Variants in PLEKHA8 observed in about 807,000 individuals in gnomAD.
The protein encoded by PLEKHA8 is pleckstrin homology domain containing A8.
Under a neutral mutation model 68.2 loss-of-function variants are expected in PLEKHA8, and 36 were observed. The observed-to-expected ratio is 0.53, with a 90% CI of 0.40 to 0.70. The LOEUF is 0.70. Among genes scored for constraint, PLEKHA8 ranks in the 30% least tolerant of loss-of-function variants. The pLI is 0.00. For synonymous variants in PLEKHA8, 211 were observed against 216.1 expected (o/e 0.98, Z 0.20); for missense variants, 505 against 615.4 (o/e 0.82, Z 1.90).
chr7:30,115,981 CATGT>C (rs1796503012), intron 13 of PLEKHA8: 2 of 137,348 alleles, frequency 1.5e-5, no homozygotes, highest in South Asian at 2.2e-4. Flanking sequence ...TGCATGCATG[CATGT>C]ATGCATACGC....
intron 8 of PLEKHA8, 93 bp downstream of exon 8, chr7:30,054,958 C>A: frequency 7.9e-7 from 1 of 1,259,352 alleles, no homozygotes; most frequent in Non-Finnish European, 1.1e-6. Context: ...ATGGCATATT[C>A]TAGGAGAATA....
chr7:30,089,020 A>G (rs1254952809), downstream of PLEKHA8, among the ~76,000 whole-genome samples: 1 of 152,126 alleles, frequency 6.6e-6, no homozygotes, highest in African/African-American at 2.4e-5. Flanking sequence ...CCCACATTCC[A>G]AAGGCTGTGT....
At chr7:30,047,788 G>C in intron 3 of PLEKHA8, 44 bp from the exon 4 acceptor site, 1 of 1,565,706 alleles carries the variant, frequency 6.4e-7, no homozygotes, top group Non-Finnish European at 8.7e-7. Context: ...TAGTAAATCA[G>C]TTGTTTGTTC....
rs763730573 is a variant in PLEKHA8, at chr7:30,078,706, C to T, written c.1479C>T (p.Tyr493=). Residue 493 remains tyrosine (Y), a synonymous_variant, in exon 14 of 14, where the codon TAC becomes TAT. Transcript: ENST00000449726. The stretch of plus-strand genomic sequence containing the variant: ...GGATGCAGAGGGACCTCAGCCTTTA[C>T]CTCCCTGCCATGGAGAAGCAGCTGG... The part of the protein sequence containing the change: ...SIGMQRDLSL[Y]LPAMEKQLAI... 1 of 1,613,836 alleles carries T rather than the reference C, an allele frequency of 6.2e-7. No individual in the cohort carries two copies. The highest frequency in any genetic ancestry group is 1.1e-5 in the South Asian group (1 of 91,080).
At chr7:30,104,691 T>C (rs1030105933) in intron 13 of PLEKHA8, among the ~76,000 whole-genome samples, 1 of 151,244 alleles carries the variant, frequency 6.6e-6, no homozygotes, top group Non-Finnish European at 1.5e-5. Context: ...GGATGGGTGT[T>C]GAGTGGTAAA....
At chr7:30,052,135 T>A (rs1400110875) in intron 6 of PLEKHA8, among the ~76,000 whole-genome samples, 4 of 152,134 alleles carry the variant, frequency 2.6e-5, no homozygotes, top group African/African-American at 9.7e-5. Context: ...GAGCTGTCAA[T>A]GACTATTTCC....
chr7:30,081,574 T>C lies in PLEKHA8; in HGVS notation c.*2787T>C, dbSNP rs1419268917. 5 of 985,112 alleles carry C rather than the reference T, an allele frequency of 5.1e-6. No individual in the cohort carries two copies. The highest frequency in any genetic ancestry group is 6.2e-5 in the Admixed American group (1 of 16,254). 61.0% of individuals were successfully genotyped at this position (985,112 alleles called of 1,614,324 possible). A position where few individuals can be genotyped will look rare whatever the true frequency, so the allele number is the denominator to read the frequency against. ...TCTCTCCATAGCCCTCCAAGACTTC[T>C]GGGACAACTAAATTTACTTTCACCA... On this transcript the variant is annotated 3_prime_UTR_variant, in exon 14 of 14. Coordinates refer to ENST00000449726, the MANE Select transcript of PLEKHA8 (RefSeq NM_001197026.2).
chr7:30,038,330 C>G (rs1204821278), intron 1 of PLEKHA8, among the ~76,000 whole-genome samples: 1 of 152,126 alleles, frequency 6.6e-6, no homozygotes, highest in Non-Finnish European at 1.5e-5. Context: ...AAAGAATGTT[C>G]TGTGTCTTTA....
rs745796054 is a variant in PLEKHA8, at chr7:30,061,974, G to A, written c.1176G>A (p.Ala392=). ...LQKIVLHEVE[A]DVAQVRNSAT... The stretch of plus-strand genomic sequence containing the variant: ...AGATAGTGCTGCACGAAGTGGAGGC[G>A]GATGTAGCCCAGGTTAGGAACTCAG... The change falls in exon 11 of 14, where the codon GCG becomes GCA. Residue 392 remains alanine (A), a synonymous_variant. Coordinates refer to ENST00000449726, the MANE Select transcript of PLEKHA8 (RefSeq NM_001197026.2). The A allele has an allele frequency of 3.3e-5, 54 of 1,613,984 alleles. No homozygotes were observed. The East Asian group carries it at 5.6e-4, about 17-fold the overall frequency.
At position 30,047,910 on chromosome 7, in the gene PLEKHA8, T is replaced by C. The variant is rs577312327; in HGVS notation, c.392T>C (p.Val131Ala). ...TACTGTGACCTCCTTGTTCAGCAAGTAGATAAAACAAAAGAAGTGACCACA... is the reference window on the plus strand; with the variant it reads ...TACTGTGACCTCCTTGTTCAGCAAGCAGATAAAACAAAAGAAGTGACCACA... ...RLYCDLLVQQ[V>A]DKTKEVTTTG... The change falls in exon 4 of 14, where the codon GTA becomes GCA. Residue 131 changes from valine to alanine, a missense_variant. By Grantham distance (64) the Val-to-Ala change is moderately conservative. Transcript: ENST00000449726. The C allele has an allele frequency of 2.5e-6, 4 of 1,606,082 alleles. No homozygotes were observed. The African/African-American group carries it at 5.4e-5, about 21-fold the overall frequency.
intron 3 of PLEKHA8, among the ~76,000 whole-genome samples, chr7:30,046,758 A>G (rs966589999): frequency 2.6e-5 from 4 of 152,164 alleles, no homozygotes; most frequent in Non-Finnish European, 4.4e-5. Context: ...TCTGTGGCCA[A>G]ACTTGACCTT....
Position 30,050,418 on chromosome 7 carries a change from T to C in PLEKHA8, c.598-16T>C. ...AGTTTAACATGTGAACTTTCCTTTC[T>C]TTGCTTCTTTTAAAGATGAAACATC... On this transcript the variant is annotated splice_polypyrimidine_tract_variant and intron_variant, in intron 5 of 13. Coordinates refer to ENST00000449726, the MANE Select transcript of PLEKHA8 (RefSeq NM_001197026.2). 6.4e-7 allele frequency: 1 copy of C among 1,570,264 alleles called. No individual in the cohort carries two copies. The highest frequency in any genetic ancestry group is 8.6e-7 in the Non-Finnish European group (1 of 1,159,594).
intron 3 of PLEKHA8, among the ~76,000 whole-genome samples, chr7:30,046,586 G>T (rs1490714211): frequency 6.6e-6 from 1 of 152,166 alleles, no homozygotes; most frequent in Non-Finnish European, 1.5e-5. Context: ...AACACAGCTG[G>T]GTACACATGA....
chr7:30,125,360 TAAATGCA>T (rs972199134), intron 13 of PLEKHA8, among the ~76,000 whole-genome samples: 2 of 152,236 alleles, frequency 1.3e-5, no homozygotes, highest in East Asian at 1.9e-4. Context: ...ATTGGGGTAG[TAAATGCA>T]TTTTTGACTT....
At chr7:30,058,881 C>G (rs1049090759) in intron 9 of PLEKHA8, among the ~76,000 whole-genome samples, 1 of 152,232 alleles carries the variant, frequency 6.6e-6, no homozygotes, top group Non-Finnish European at 1.5e-5. Context: ...AATCCCAGCA[C>G]TTTGGGAGGC....
intron 12 of PLEKHA8, among the ~76,000 whole-genome samples, chr7:30,064,504 C>T (rs1793680032): frequency 1.3e-5 from 2 of 152,246 alleles, no homozygotes; most frequent in South Asian, 2.1e-4. Flanking sequence ...GATCATGGCA[C>T]TGTACTCCAG....
intron 12 of PLEKHA8, among the ~76,000 whole-genome samples, chr7:30,089,889 G>A (rs1026976610): frequency 6.6e-6 from 1 of 151,990 alleles, no homozygotes; most frequent in Non-Finnish European, 1.5e-5. Flanking sequence ...AAATATATTC[G>A]AAATAGCAAA....
intron 13 of PLEKHA8, among the ~76,000 whole-genome samples, chr7:30,116,381 A>G (rs1162747897): frequency 6.6e-6 from 1 of 151,986 alleles, no homozygotes; most frequent in Admixed American, 6.5e-5. Context: ...ATCTGTTTAC[A>G]TGTGCGATTT....
chr7:30,029,160 C>T (rs1334557032), intron 1 of PLEKHA8, among the ~76,000 whole-genome samples: 1 of 152,212 alleles, frequency 6.6e-6, no homozygotes, highest in East Asian at 1.9e-4. Context: ...GCGAAGGAAC[C>T]GTACTCCCTT....
Sources: gnomAD v4.1 joint callset for allele counts (sites outside exome capture counted in the v4.1 genomes callset) on GRCh38, gnomAD v4.1.1 for gene constraint, MANE v1.5 for transcripts, NCBI Gene and HGNC (gene_info 2026-07-23, HGNC 2026-07-21) for gene names.